Variants in ITGA11 observed in about 807,000 individuals in gnomAD.
The protein encoded by ITGA11 is integrin subunit alpha 11, also known as integrin alpha-11.
In ITGA11, 97 loss-of-function variants were observed where a neutral mutation model predicts 141.9. That is an observed-to-expected ratio of 0.68 (90% CI 0.58 to 0.81). ITGA11 has a LOEUF of 0.81. ITGA11 is among the 30% of genes least tolerant of loss of function. The pLI, the probability that ITGA11 is intolerant of heterozygous loss-of-function variation, is 0.00. For missense variants in ITGA11, 1,387 were observed against 1,559.2 expected (o/e 0.89, Z 1.86); for synonymous variants, 658 against 624.6 (o/e 1.05, Z -0.80).
In ITGA11 at chr15:68,350,757, C is replaced by A; in HGVS notation, c.920G>T (p.Gly307Val). Residue 307 changes from glycine to valine, a missense_variant, in exon 9 of 30, where the codon GGG (glycine) becomes GTG (valine). Physicochemically the swap from Gly to Val is moderately radical, Grantham distance 109. Coordinates refer to ENST00000315757, the MANE Select transcript of ITGA11 (RefSeq NM_001004439.2). Reference sequence around the variant, plus strand: ...ATTTAGAAAAGTTTCTGGATTGATCCCCCTGCGGTTGTAGTAGCCCAGGAC... The same window carrying A: ...ATTTAGAAAAGTTTCTGGATTGATCACCCTGCGGTTGTAGTAGCCCAGGAC... ...VAVLGYYNRR[G>V]INPETFLNEI... 6.2e-7 allele frequency: 1 copy of A among 1,613,492 alleles called. No individual in the cohort carries two copies. The highest frequency in any genetic ancestry group is 2.2e-5 in the East Asian group (1 of 44,864).
chr15:68,315,552 G>A, intron 22 of ITGA11, 99 bp downstream of exon 22: 2 of 1,006,292 alleles, frequency 2.0e-6, no homozygotes, highest in Non-Finnish European at 1.5e-6. Flanking sequence ...CAGGGCGTGG[G>A]GCAGCGGACT....
chr15:68,394,513 A>G (rs2415003), intron 2 of ITGA11, among the ~76,000 whole-genome samples: 122,698 of 151,830 alleles, frequency 0.81, 49,935 homozygotes, highest in East Asian at 1. Flanking sequence ...AAAGGGTCAG[A>G]AAATCAACAA....
At chr15:68,349,687 C>A (rs1485622546) in intron 9 of ITGA11, among the ~76,000 whole-genome samples, 1 of 152,132 alleles carries the variant, frequency 6.6e-6, no homozygotes, top group Non-Finnish European at 1.5e-5. Flanking sequence ...ATGCCCAAAG[C>A]CCGATATTGG....
At chr15:68,400,327 C>T (rs903305876) in intron 2 of ITGA11, among the ~76,000 whole-genome samples, 8 of 151,264 alleles carry the variant, frequency 5.3e-5, no homozygotes, top group African/African-American at 1.7e-4. Context: ...TAGAAGAAAA[C>T]AGAGAAGAAT....
At chr15:68,380,534 C>T (rs1417070255) in intron 2 of ITGA11, among the ~76,000 whole-genome samples, 2 of 152,142 alleles carry the variant, frequency 1.3e-5, no homozygotes, top group Non-Finnish European at 2.9e-5. Context: ...GAACATGCCG[C>T]AAGAGGGGTC....
At chr15:68,418,652 G>C (rs928778040) in intron 1 of ITGA11, among the ~76,000 whole-genome samples, 1 of 140,722 alleles carries the variant, frequency 7.1e-6, no homozygotes, top group African/African-American at 2.7e-5. Flanking sequence ...ATCATGTAGC[G>C]CACAGCCGGT....
chr15:68,431,126 G>T (rs1897259744), intron 1 of ITGA11, among the ~76,000 whole-genome samples: 1 of 152,214 alleles, frequency 6.6e-6, no homozygotes, highest in South Asian at 2.1e-4. Context: ...CGCGTGGAGG[G>T]TGGAGCCGGG....
At chr15:68,388,016 C>A (rs1595887393) in intron 2 of ITGA11, among the ~76,000 whole-genome samples, 1 of 152,256 alleles carries the variant, frequency 6.6e-6, no homozygotes, top group Admixed American at 6.5e-5. Context: ...AAACTGAAGG[C>A]CCCCTCCCCT....
At chr15:68,389,350 C>T (rs1031275704) in intron 2 of ITGA11, among the ~76,000 whole-genome samples, 2 of 152,228 alleles carry the variant, frequency 1.3e-5, no homozygotes, top group Middle Eastern at 3.2e-3. Flanking sequence ...TATGCAAATA[C>T]ACTTAGTGCT....
chr15:68,337,841 C>T (rs560264985), intron 11 of ITGA11, among the ~76,000 whole-genome samples: 3 of 152,374 alleles, frequency 2.0e-5, no homozygotes, highest in South Asian at 2.1e-4. Context: ...GCTCCAGCCA[C>T]ACTCATCTAC....
At position 68,331,526 on chromosome 15, in the gene ITGA11, C is replaced by T. The variant is rs184155659; in HGVS notation, c.1770+333G>A. Among the ~76,000 whole-genome samples, 51 of 149,572 alleles carry T rather than the reference C, an allele frequency of 3.4e-4. 1 individual carries two copies. Among genetic ancestry groups the T allele is most frequent in the Admixed American group, 3.0e-3 (45 of 14,842 alleles). ...AAGCATTTCCAGAGAAGAGTGAGCC[C>T]AGAAGGGATGCTCTACTGGTAGGCA... On this transcript the variant is annotated intron_variant, in intron 14 of 29. Transcript: ENST00000315757.
chr15:68,376,981 T>C (rs1000153489), intron 2 of ITGA11, among the ~76,000 whole-genome samples: 5 of 152,196 alleles, frequency 3.3e-5, no homozygotes, highest in African/African-American at 1.2e-4. Context: ...AGGAAGCAGG[T>C]AGGAGGCCCT....
Position 68,325,093 on chromosome 15 carries a change from G to A in ITGA11, c.2322+38C>T. On this transcript the variant is annotated intron_variant, in intron 18 of 29. Transcript: ENST00000315757. The surrounding 1 kb of genome is among the most constrained non-coding windows in gnomAD (Gnocchi z 5.5). ...GGGTTGAGGTGGAGGTGGGGGTGGG[G>A]TTCATGCCCGAGGTGCGTGCCCTGT... is the stretch of plus-strand genomic sequence containing the variant. 1 of 1,478,156 alleles carries A rather than the reference G, an allele frequency of 6.8e-7. No individual in the cohort carries two copies. The highest frequency in any genetic ancestry group is 9.5e-7 in the Non-Finnish European group (1 of 1,056,150). The allele number at this position is 1,478,156 out of a possible 1,614,324, so 91.6% of individuals were successfully genotyped here.
At chr15:68,407,673 T>G (rs1429513363) in intron 1 of ITGA11, among the ~76,000 whole-genome samples, 3 of 152,174 alleles carry the variant, frequency 2.0e-5, no homozygotes, top group Non-Finnish European at 2.9e-5. Context: ...CCTGGGCTGC[T>G]CTCCTGTGGG....
chr15:68,393,203 A>C (rs1018387415), intron 2 of ITGA11, among the ~76,000 whole-genome samples: 10 of 152,198 alleles, frequency 6.6e-5, no homozygotes, highest in Non-Finnish European at 7.3e-5. Flanking sequence ...GCAAGAGAAA[A>C]ATGGAATAAA....
intron 1 of ITGA11, among the ~76,000 whole-genome samples, chr15:68,418,484 C>T (rs1259804269): frequency 6.6e-6 from 1 of 152,170 alleles, no homozygotes; most frequent in East Asian, 1.9e-4. Context: ...CTGTGAAAGG[C>T]ACACACAGGA....
chr15:68,396,411 A>C (rs1896242763), intron 2 of ITGA11, among the ~76,000 whole-genome samples: 1 of 152,080 alleles, frequency 6.6e-6, no homozygotes, highest in Non-Finnish European at 1.5e-5. Flanking sequence ...GAATAGAAAA[A>C]AACTTCTTTA....
Position 68,311,097 on chromosome 15 carries a change from GACAC to G in ITGA11, c.3088-21_3088-18del. 2.5e-6 allele frequency: 4 copies of G among 1,577,092 alleles called. No homozygotes were observed. Among genetic ancestry groups the G allele is most frequent in the African/African-American group, 1.3e-5 (1 of 74,152 alleles). ...CGTGTTCGCCTACATAAAGGACATG[GACAC>G]ACACACACATACACAGCCTCACAAC... is the stretch of plus-strand genomic sequence containing the variant. On this transcript the variant is annotated intron_variant, in intron 25 of 29. Coordinates refer to ENST00000315757, the MANE Select transcript of ITGA11 (RefSeq NM_001004439.2).
At position 68,297,726 on chromosome 15, in the gene ITGA11, C is replaced by T. The variant is rs1892940543; in HGVS notation, c.*5333G>A. The T allele has an allele frequency of 6.6e-6, 1 of 152,132 alleles. No individual in the cohort carries two copies. The highest frequency in any genetic ancestry group is 2.1e-4 in the South Asian group (1 of 4,834). 9.4% of individuals were successfully genotyped at this position (152,132 alleles called of 1,614,324 possible). On this transcript the variant is annotated 3_prime_UTR_variant, in exon 30 of 30. Coordinates refer to ENST00000315757, the MANE Select transcript of ITGA11 (RefSeq NM_001004439.2). The stretch of plus-strand genomic sequence containing the variant: ...AATAATATGGCATTCTCATTTCCAG[C>T]CTTCACATCTCAGGAGAGTATTAAA...
Sources: gnomAD v4.1 joint callset for allele counts (sites outside exome capture counted in the v4.1 genomes callset) on GRCh38, gnomAD v4.1.1 for gene constraint, Gnocchi (gnomAD v3.1) non-coding constraint, MANE v1.5 for transcripts, NCBI Gene and HGNC (gene_info 2026-07-23, HGNC 2026-07-21) for gene names.